The following SAMD12 variants were observed in gnomAD, a reference collection of about 807,000 sequenced individuals.
SAMD12 encodes sterile alpha motif domain-containing protein 12.
In SAMD12, 9 loss-of-function variants were observed where a neutral mutation model predicts 15.0. The observed-to-expected ratio is 0.60, with a 90% CI of 0.36 to 1.05. The LOEUF is 1.05. SAMD12 is among the 50% of genes least tolerant of loss of function. SAMD12 has a pLI of 0.01. For synonymous variants in SAMD12, 86 were observed against 90.1 expected (o/e 0.96, Z 0.25); for missense variants, 230 against 234.2 (o/e 0.98, Z 0.12).
chr8:118,541,208 A>G (rs1825975617), intron 2 of SAMD12, among the ~76,000 whole-genome samples: 1 of 152,222 alleles, frequency 6.6e-6, no homozygotes, highest in Admixed American at 6.5e-5. Flanking sequence ...TGATGAGGCA[A>G]CTGGGGCTCT....
At position 118,379,298 on chromosome 8, in the gene SAMD12, T is replaced by C. The variant is rs1819543046; in HGVS notation, c.*119A>G. On this transcript the variant is annotated 3_prime_UTR_variant, in exon 4 of 4. Transcript: ENST00000314727. ...CTGGGGTTGTGCAGTACACAATCCA[T>C]ACAACTGTACGTGACCACCTTGAAG... The C allele has an allele frequency of 6.8e-7, 1 of 1,471,780 alleles. No individual in the cohort carries two copies. Among genetic ancestry groups the C allele is most frequent in the Non-Finnish European group, 9.0e-7 (1 of 1,115,792 alleles). The allele number at this position is 1,471,780 out of a possible 1,614,324, so 91.2% of individuals were successfully genotyped here. A position where few individuals can be genotyped will look rare whatever the true frequency, so the allele number is the denominator to read the frequency against.
intron 3 of SAMD12, among the ~76,000 whole-genome samples, chr8:118,404,755 G>A (rs940050806): frequency 2.6e-5 from 4 of 152,082 alleles, no homozygotes; most frequent in Admixed American, 2.0e-4. Flanking sequence ...GGGTCATCTG[G>A]GGATTTTACT....
At chr8:118,351,223 C>T (rs976750400) in intron 4 of SAMD12, among the ~76,000 whole-genome samples, 1 of 152,166 alleles carries the variant, frequency 6.6e-6, no homozygotes, top group African/African-American at 2.4e-5. Flanking sequence ...TTATGATTGA[C>T]ACCTCGTAAA....
chr8:118,484,169 G>A (rs1824211702), intron 2 of SAMD12, among the ~76,000 whole-genome samples: 1 of 152,096 alleles, frequency 6.6e-6, no homozygotes. Context: ...TTATGTGGAC[G>A]AGGTGGTCAT....
intron 2 of SAMD12, among the ~76,000 whole-genome samples, chr8:118,558,903 C>T (rs757598499): frequency 6.6e-6 from 1 of 152,116 alleles, no homozygotes; most frequent in Non-Finnish European, 1.5e-5. Flanking sequence ...GCTTGAGGCT[C>T]AAGTGCTAGC....
intron 4 of SAMD12, among the ~76,000 whole-genome samples, chr8:118,291,502 T>TC (rs773452791): frequency 6.6e-6 from 1 of 152,170 alleles, no homozygotes; most frequent in East Asian, 1.9e-4. Flanking sequence ...AACACAGAAT[T>TC]CCCCTTATGG....
chr8:118,389,639 C>T (rs572229358), intron 3 of SAMD12, among the ~76,000 whole-genome samples: 23 of 151,798 alleles, frequency 1.5e-4, no homozygotes, highest in South Asian at 8.3e-4. Context: ...CACTTGAACC[C>T]GGGAGGAGGA....
chr8:118,418,954 TA>T (rs1821860980), intron 3 of SAMD12, among the ~76,000 whole-genome samples: 1 of 152,184 alleles, frequency 6.6e-6, no homozygotes, highest in African/African-American at 2.4e-5. Flanking sequence ...TATTTCTAAT[TA>T]AAGGTAACAA....
At chr8:118,547,568 G>A (rs1408713851) in intron 2 of SAMD12, among the ~76,000 whole-genome samples, 1 of 152,100 alleles carries the variant, frequency 6.6e-6, no homozygotes, top group Non-Finnish European at 1.5e-5. Context: ...TACAATACAG[G>A]TTGGGCAAAG....
the SAMD12 span, among the ~76,000 whole-genome samples, chr8:118,162,747 C>T: frequency 6.6e-6 from 1 of 151,992 alleles, no homozygotes; most frequent in African/African-American, 2.4e-5. Context: ...CAACTGCAGG[C>T]ATAGAGAATG....
chr8:118,161,250 T>C, the SAMD12 span, among the ~76,000 whole-genome samples: 5 of 152,300 alleles, frequency 3.3e-5, no homozygotes, highest in South Asian at 1.0e-3. Flanking sequence ...AAAAGCATGA[T>C]ATATAAAAGA....
chr8:118,537,563 G>T (rs2131140466), intron 2 of SAMD12, among the ~76,000 whole-genome samples: 1 of 152,196 alleles, frequency 6.6e-6, no homozygotes, highest in South Asian at 2.1e-4. Flanking sequence ...GCTGTTAAGG[G>T]ACACTGATGC....
At chr8:118,429,476 T>A (rs1379689581) in intron 3 of SAMD12, among the ~76,000 whole-genome samples, 1 of 152,236 alleles carries the variant, frequency 6.6e-6, no homozygotes, top group Admixed American at 6.5e-5. Flanking sequence ...GATCTCATAG[T>A]TTTTTATATA....
At chr8:118,351,969 A>C (rs1346194385) in intron 4 of SAMD12, among the ~76,000 whole-genome samples, 1 of 152,216 alleles carries the variant, frequency 6.6e-6, no homozygotes, top group South Asian at 2.1e-4. Flanking sequence ...AGGATTATCC[A>C]ACCAATGTAT....
At chr8:118,260,098 G>A (rs954229600) in intron 4 of SAMD12, among the ~76,000 whole-genome samples, 6 of 152,166 alleles carry the variant, frequency 3.9e-5, no homozygotes, top group Admixed American at 2.6e-4. Flanking sequence ...TTATACTTGC[G>A]TATTAAACAT....
intron 1 of SAMD12, among the ~76,000 whole-genome samples, chr8:118,599,349 CTTCCT>C (rs1563605168): frequency 6.6e-6 from 1 of 152,184 alleles, no homozygotes. Context: ...AATGTGTGAA[CTTCCT>C]TTTAGTTCTA....
exon 5 of SAMD12, chr8:118,189,629 A>G (rs1463985745): frequency 1.3e-5 from 2 of 152,170 alleles, no homozygotes; most frequent in Non-Finnish European, 2.9e-5. Context: ...TTTCATTTTT[A>G]TCCATTTTAT....
chr8:118,463,384 A>G (rs1383403745), intron 2 of SAMD12, among the ~76,000 whole-genome samples: 1 of 152,160 alleles, frequency 6.6e-6, no homozygotes, highest in Non-Finnish European at 1.5e-5. Flanking sequence ...ACAAGGATTC[A>G]TCCAGGAATC....
At chr8:118,164,856 C>A in the SAMD12 span, among the ~76,000 whole-genome samples, 1 of 151,840 alleles carries the variant, frequency 6.6e-6, no homozygotes, top group Admixed American at 6.6e-5. Flanking sequence ...TATATATACA[C>A]ACACACACCT....
Sources: allele counts gnomAD v4.1 joint callset (sites outside exome capture counted in the v4.1 genomes callset), GRCh38; gene constraint gnomAD v4.1.1; transcripts MANE v1.5; gene names NCBI Gene and HGNC (gene_info 2026-07-23, HGNC 2026-07-21).